IFNGR2: variants seen among roughly 807,000 people sequenced by gnomAD.
IFNGR2 encodes the protein IFN-gamma receptor 2.
IFNGR2 carries 15 observed loss-of-function variants against 41.1 expected under a neutral mutation model. That is an observed-to-expected ratio of 0.37 (90% confidence interval 0.24 to 0.56). The LOEUF is 0.56. IFNGR2 is among the 20% of genes least tolerant of loss of function. The pLI is 0.81. For synonymous variants in IFNGR2, 161 were observed against 171.6 expected (o/e 0.94, Z 0.48); for missense variants, 362 against 415.7 (o/e 0.87, Z 1.12).
intron 3 of IFNGR2, among the ~76,000 whole-genome samples, chr21:33,424,212 A>G (rs957424756): frequency 3.9e-5 from 6 of 151,974 alleles, no homozygotes; most frequent in Non-Finnish European, 8.8e-5. Context: ...GAGGCAGGAG[A>G]ATCTCTTGAA....
At chr21:33,411,705 G>A (rs993837180) in intron 1 of IFNGR2, 19 of 278,388 alleles carry the variant, frequency 6.8e-5, no homozygotes, top group Non-Finnish European at 1.3e-4. Flanking sequence ...AGAAGGATGC[G>A]GCCAACCTTG....
intron 3 of IFNGR2, 98 bp downstream of exon 3, chr21:33,421,783 A>AT (rs775543751): frequency 4.2e-6 from 4 of 949,424 alleles, no homozygotes; most frequent in Admixed American, 1.8e-5. Flanking sequence ...GTCACCCTAA[A>AT]TGACCAGCAG....
intron 1 of IFNGR2, among the ~76,000 whole-genome samples, chr21:33,412,394 T>G (rs536765391): frequency 2.0e-5 from 3 of 152,344 alleles, no homozygotes; most frequent in Admixed American, 6.5e-5. Flanking sequence ...TGTGCCTATG[T>G]GTGGTATTGC....
intron 3 of IFNGR2, among the ~76,000 whole-genome samples, chr21:33,424,250 A>G (rs533452374): frequency 6.6e-5 from 10 of 152,112 alleles, no homozygotes; most frequent in Non-Finnish European, 1.3e-4. Context: ...GCAGTGGGCC[A>G]AGATGACACC....
intron 3 of IFNGR2, among the ~76,000 whole-genome samples, chr21:33,426,455 A>C (rs966691184): frequency 6.6e-6 from 1 of 151,948 alleles, no homozygotes; most frequent in African/African-American, 2.4e-5. Context: ...GCGGTGGCTC[A>C]CACCTGTAAT....
chr21:33,417,722 C>T (rs2083763640), intron 2 of IFNGR2, among the ~76,000 whole-genome samples: 1 of 152,120 alleles, frequency 6.6e-6, no homozygotes. Context: ...TGGCCCTACC[C>T]TCAGCATTCA....
At chr21:33,416,285 A>G (rs2083752523) in intron 2 of IFNGR2, among the ~76,000 whole-genome samples, 1 of 152,210 alleles carries the variant, frequency 6.6e-6, no homozygotes, top group South Asian at 2.1e-4. Flanking sequence ...GAAAGTGACC[A>G]ATTTTAGCCT....
At chr21:33,434,780 T>C (rs116816171) in intron 6 of IFNGR2, among the ~76,000 whole-genome samples, 39 of 152,266 alleles carry the variant, frequency 2.6e-4, no homozygotes, top group East Asian at 1.5e-3. Flanking sequence ...CTGGTTAATA[T>C]TGTCACAAAA....
intron 1 of IFNGR2, among the ~76,000 whole-genome samples, chr21:33,414,502 C>T (rs1274046171): frequency 1.3e-5 from 2 of 152,196 alleles, no homozygotes; most frequent in African/African-American, 4.8e-5. Flanking sequence ...TTATTGACCC[C>T]TTATTCCTGA....
At chr21:33,424,736 TG>T (rs1318371950) in intron 3 of IFNGR2, among the ~76,000 whole-genome samples, 2 of 152,112 alleles carry the variant, frequency 1.3e-5, no homozygotes, top group Non-Finnish European at 2.9e-5. Flanking sequence ...TAACCTTATT[TG>T]TTTTTTTGTT....
chr21:33,421,834 A>G (rs1219737166), intron 3 of IFNGR2, 149 bp downstream of exon 3: 1 of 749,304 alleles, frequency 1.3e-6, no homozygotes, highest in Non-Finnish European at 2.4e-6. Context: ...CTGACCTTGG[A>G]GGCTGATGCT....
chr21:33,421,418 G>A, intron 2 of IFNGR2, 62 bp from the exon 3 acceptor site: 1 of 1,320,960 alleles, frequency 7.6e-7, no homozygotes, highest in South Asian at 1.2e-5. Context: ...CAAAAGCTCT[G>A]GGGAAACTAT....
chr21:33,406,047 CAAAT>C lies in IFNGR2; in HGVS notation c.73+2435_73+2438del, dbSNP rs1173840273. Among the ~76,000 whole-genome samples, 16 of 148,494 alleles carry C rather than the reference CAAAT, an allele frequency of 1.1e-4. No homozygotes were observed. The South Asian group carries it at 3.0e-3, about 28-fold the overall frequency. On this transcript the variant is annotated intron_variant, in intron 1 of 6. Transcript: ENST00000290219. ...TCTATCTCAAAAAAACAAAAACAAA[CAAAT>C]AAAAAAACTGGCTCCATTGATCCTT... is the stretch of plus-strand genomic sequence containing the variant.
chr21:33,422,603 G>A (rs1042086787), intron 3 of IFNGR2, among the ~76,000 whole-genome samples: 7 of 152,068 alleles, frequency 4.6e-5, no homozygotes, highest in South Asian at 2.1e-4. Context: ...CCTGCTGGGC[G>A]CGGTGGCTCA....
At chr21:33,429,867 G>A (rs894452902) in intron 4 of IFNGR2, among the ~76,000 whole-genome samples, 3 of 152,292 alleles carry the variant, frequency 2.0e-5, no homozygotes, top group Admixed American at 6.5e-5. Context: ...GGCTGGGCGC[G>A]GTGGCTTACG....
Position 33,436,923 on chromosome 21 carries a change from T to TA in IFNGR2, c.975_976insA (p.Pro326ThrfsTer58). ...GGGACTCTGTGTCCATTATCTCGTT[T>TA]CCGGAAAAGGAGCAAGAAGATGTTC... is the stretch of plus-strand genomic sequence containing the variant. On this transcript the variant is annotated frameshift_variant, in exon 7 of 7. Coordinates refer to ENST00000290219, the MANE Select transcript of IFNGR2 (RefSeq NM_005534.4). LOFTEE classifies it high-confidence loss of function. The TA allele has an allele frequency of 1.2e-6, 2 of 1,613,976 alleles. No homozygotes were observed. The highest frequency in any genetic ancestry group is 1.7e-6 in the Non-Finnish European group (2 of 1,179,978).
intron 3 of IFNGR2, among the ~76,000 whole-genome samples, chr21:33,422,940 GCTT>G (rs991245998): frequency 7.0e-6 from 1 of 142,568 alleles, no homozygotes; most frequent in African/African-American, 2.6e-5. Context: ...CAAGGACAAA[GCTT>G]CCAGGCATAG....
In IFNGR2 at chr21:33,437,014, G is replaced by A. The variant is rs895571365; in HGVS notation, c.*52G>A. ...CTCCCTGGAAGAGATCAAGCCATCG[G>A]AGCTGCTAGAGTTCTGTCTGGACTT... On this transcript the variant is annotated 3_prime_UTR_variant, in exon 7 of 7. Coordinates refer to ENST00000290219, the MANE Select transcript of IFNGR2 (RefSeq NM_005534.4). 11 of 1,598,580 alleles carry A rather than the reference G, an allele frequency of 6.9e-6. No homozygotes were observed. Among genetic ancestry groups the A allele is most frequent in the African/African-American group, 1.3e-5 (1 of 74,590 alleles).
rs565473866 is a variant in IFNGR2, at chr21:33,411,899, A to AT, written c.74-2983dup. On this transcript the variant is annotated intron_variant, in intron 1 of 6. Transcript: ENST00000290219. ...CTATAAGAAAATAAATTTAGATGTG[A>AT]TTTTTTAAAATTTATTTATTTTTAG... Among the ~76,000 whole-genome samples the AT allele has an allele frequency of 1.6e-4, 25 of 152,268 alleles. No homozygotes were observed. The South Asian group carries it at 5.0e-3, about 30-fold the overall frequency.
Sources: gnomAD v4.1 joint callset for allele counts (sites outside exome capture counted in the v4.1 genomes callset) on GRCh38, gnomAD v4.1.1 for gene constraint, MANE v1.5 for transcripts, NCBI Gene and HGNC (gene_info 2026-07-23, HGNC 2026-07-21) for gene names.